Variants in CDKL5 observed in about 807,000 individuals in gnomAD.
CDKL5 encodes the protein cyclin dependent kinase like 5.
A neutral mutation model predicts 61.7 loss-of-function variants in CDKL5; 8 were observed. That is an observed-to-expected ratio of 0.13 (90% CI 0.08 to 0.23). The LOEUF (loss-of-function observed/expected upper bound fraction) is 0.23. Among genes scored for constraint, CDKL5 ranks in the 10% least tolerant of loss-of-function variants. CDKL5 has a pLI of 1.00. For synonymous variants in CDKL5, 275 were observed against 272.3 expected (o/e 1.01, Z -0.10); for missense variants, 440 against 734.5 (o/e 0.60, Z 4.63).
At chrX:18,643,080 G>C (rs1288993151), downstream of CDKL5, among the ~76,000 whole-genome samples, 2 of 111,638 alleles carry the variant, frequency 1.8e-5, no homozygotes, top group Non-Finnish European at 3.8e-5. Context: ...CTCGAAGGAA[G>C]ATTCTGGAAA....
At chrX:18,476,331 T>C (rs1475595789) in intron 1 of CDKL5, among the ~76,000 whole-genome samples, 1 of 111,043 alleles carries the variant, frequency 9.0e-6, no homozygotes, top group East Asian at 2.8e-4. Context: ...TCCTCCTGCC[T>C]CAGCCTCCCA....
chrX:18,469,023 T>A (rs1485273299), intron 1 of CDKL5, among the ~76,000 whole-genome samples: 1 of 111,273 alleles, frequency 9.0e-6, no homozygotes, highest in Non-Finnish European at 1.9e-5. Context: ...AACTGAAGAC[T>A]CTTTAGAAAA....
At chrX:18,584,118 G>T in intron 7 of CDKL5, 145 bp from the exon 8 acceptor site, 1 of 499,654 alleles carries the variant, frequency 2.0e-6, no homozygotes. Context: ...AGATAACAAG[G>T]ATATTATTAA....
chrX:18,475,748 G>T (rs1208699227), intron 1 of CDKL5, among the ~76,000 whole-genome samples: 1 of 112,202 alleles, frequency 8.9e-6, no homozygotes, highest in Non-Finnish European at 1.9e-5. Flanking sequence ...ACTGGTGGTG[G>T]TACTTCAGTG....
chrX:18,437,871 G>C (rs1319861417), intron 1 of CDKL5, among the ~76,000 whole-genome samples: 8 of 111,845 alleles, frequency 7.2e-5, no homozygotes. Context: ...TTGCCTTGGT[G>C]ATTGTGTGAG....
chrX:18,464,576 T>C (rs1932359457), intron 1 of CDKL5, among the ~76,000 whole-genome samples: 1 of 110,766 alleles, frequency 9.0e-6, no homozygotes, highest in African/African-American at 3.3e-5. Flanking sequence ...AGATACTCAT[T>C]GGCTTTTTAA....
chrX:18,434,911 G>C (rs893129246), intron 1 of CDKL5, among the ~76,000 whole-genome samples: 2 of 112,107 alleles, frequency 1.8e-5, no homozygotes, highest in Admixed American at 9.5e-5. Context: ...CTGGGCCACA[G>C]AGTGAGACTC....
intron 12 of CDKL5, among the ~76,000 whole-genome samples, 196 bp downstream of exon 12, chrX:18,605,064 G>A (rs946726675): frequency 5.4e-5 from 6 of 110,113 alleles, no homozygotes; most frequent in African/African-American, 1.6e-4. Flanking sequence ...TAGATCAACC[G>A]TTGAGTACTC....
chrX:18,609,525 C>T lies in CDKL5; in HGVS notation c.2107C>T (p.Leu703=). 8.3e-7 allele frequency: 1 copy of T among 1,211,822 alleles called. No homozygotes were observed. The highest frequency in any genetic ancestry group is 1.1e-6 in the Non-Finnish European group (1 of 895,568). Reference sequence around the variant, plus strand: ...CACAGCCCCCAAAGAAAATAGACACCTATACAATGATCCTGTGCCAAGGAG... The same window carrying T: ...CACAGCCCCCAAAGAAAATAGACACTTATACAATGATCCTGTGCCAAGGAG... ...DGTAPKENRH[L]YNDPVPRRVG... Residue 703 remains leucine, a synonymous_variant, in exon 14 of 18, where the codon CTA becomes TTA. Transcript: ENST00000623535.
intron 1 of CDKL5, among the ~76,000 whole-genome samples, chrX:18,452,448 CAG>C (rs1932041425): frequency 9.0e-6 from 1 of 110,574 alleles, no homozygotes; most frequent in Non-Finnish European, 1.9e-5. Context: ...TTTTTTGAGA[CAG>C]AGCCTTACTC....
chrX:18,574,372 A>T (rs1925228233), intron 4 of CDKL5, among the ~76,000 whole-genome samples: 1 of 111,631 alleles, frequency 9.0e-6, no homozygotes, highest in African/African-American at 3.3e-5. Flanking sequence ...CCAAACTTAG[A>T]AAAAGCTTTC....
At chrX:18,481,506 C>T (rs1602217176) in intron 1 of CDKL5, among the ~76,000 whole-genome samples, 1 of 105,875 alleles carries the variant, frequency 9.4e-6, no homozygotes, top group African/African-American at 3.5e-5. Flanking sequence ...GTGCGGGCCA[C>T]CACACCTGGC....
At chrX:18,453,471 C>T (rs1048138242) in intron 1 of CDKL5, among the ~76,000 whole-genome samples, 1 of 111,245 alleles carries the variant, frequency 9.0e-6, no homozygotes, top group African/African-American at 3.3e-5. Context: ...TGTATTAATT[C>T]CAGTGTTCAC....
chrX:18,532,508 GC>G (rs1448270439), intron 3 of CDKL5, among the ~76,000 whole-genome samples: 5 of 111,139 alleles, frequency 4.5e-5, no homozygotes, highest in Non-Finnish European at 9.4e-5. Context: ...TAGAGACTAA[GC>G]ACGGCTTAAA....
intron 3 of CDKL5, among the ~76,000 whole-genome samples, chrX:18,549,591 G>A (rs975871694): frequency 2.7e-5 from 3 of 111,998 alleles, no homozygotes; most frequent in African/African-American, 9.7e-5. Flanking sequence ...AAAGAGAGCA[G>A]GATGAATGCC....
At chrX:18,530,012 G>A (rs1031965915) in intron 3 of CDKL5, among the ~76,000 whole-genome samples, 5 of 110,901 alleles carry the variant, frequency 4.5e-5, no homozygotes, top group African/African-American at 1.6e-4. Context: ...CATAATTCTT[G>A]GATGTTCTGT....
At chrX:18,447,244 T>C (rs78411921) in intron 1 of CDKL5, among the ~76,000 whole-genome samples, 5,165 of 111,089 alleles carry the variant, frequency 0.046, 216 homozygotes, top group East Asian at 0.18. Flanking sequence ...CAGTAGTGCC[T>C]GGGTTGAGTA....
chrX:18,474,519 A>G (rs556909279), intron 1 of CDKL5, among the ~76,000 whole-genome samples: 3 of 112,259 alleles, frequency 2.7e-5, no homozygotes, highest in Admixed American at 9.5e-5. Flanking sequence ...AAAACCTTCA[A>G]TAATTTCTAA....
intron 21 of CDKL5, among the ~76,000 whole-genome samples, chrX:18,652,087 C>G (rs1928073315): frequency 9.0e-6 from 1 of 111,060 alleles, no homozygotes; most frequent in Non-Finnish European, 1.9e-5. Context: ...CTGCCATCTC[C>G]CCTCGCCTGC....
Sources: gnomAD v4.1 joint callset for allele counts (sites outside exome capture counted in the v4.1 genomes callset) on GRCh38, gnomAD v4.1.1 for gene constraint, MANE v1.5 for transcripts, NCBI Gene and HGNC (gene_info 2026-07-23, HGNC 2026-07-21) for gene names.